Variants in DCAF4L1 observed in about 807,000 individuals in gnomAD.
DCAF4L1 encodes the protein DDB1 and CUL4 associated factor 4 like 1, also known as DDB1- and CUL4-associated factor 4-like protein 1.
Under a neutral mutation model 28.2 loss-of-function variants are expected in DCAF4L1, and 4 were observed. The observed-to-expected ratio is 0.14, with a 90% CI of 0.07 to 0.33. DCAF4L1 has a LOEUF of 0.33. Ranked by LOEUF, DCAF4L1 falls within the 10% of genes least tolerant of loss-of-function variation. The pLI is 1.00. For synonymous variants in DCAF4L1, 252 were observed against 212.1 expected (o/e 1.19, Z -1.63); for missense variants, 331 against 506.1 (o/e 0.65, Z 3.32).
rs570894315 is a variant in DCAF4L1, at chr4:41,983,141, G to A, written c.*158G>A. The A allele has an allele frequency of 9.2e-6, 6 of 651,840 alleles. No individual in the cohort carries two copies. Among genetic ancestry groups the A allele is most frequent in the South Asian group, 8.5e-5 (4 of 46,946 alleles). The allele number at this position is 651,840 out of a possible 1,614,324, so 40.4% of individuals were successfully genotyped here. ...GGTGTTAAGAGTTTTATGTGGAGAC[G>A]TTCTTGTAAAGTTATTTCAGTTAAA... On this transcript the variant is annotated 3_prime_UTR_variant, in exon 1 of 1. Transcript: ENST00000333141.
rs777067503 is a variant in DCAF4L1, at chr4:41,982,327, A to T, written c.535A>T (p.Ser179Cys). 1.4e-5 allele frequency: 23 copies of T among 1,614,060 alleles called. No homozygotes were observed. The highest frequency in any genetic ancestry group is 1.9e-5 in the Non-Finnish European group (23 of 1,180,038). Residue 179 changes from serine to cysteine, a missense_variant, in exon 1 of 1, where the codon AGT (serine) becomes TGT (cysteine). Coordinates refer to ENST00000333141, the MANE Select transcript of DCAF4L1 (RefSeq NM_001029955.4). This position sits in a 1 kb window ranked among gnomAD's most constrained non-coding sequence, Gnocchi z 4.4. ...TRVNQPGMLCSFQIPEAWSCA... is the reference protein window; with the variant it reads ...TRVNQPGMLCCFQIPEAWSCA... ...AGTTAACCAGCCTGGCATGCTCTGC[A>T]GTTTCCAGATCCCAGAGGCCTGGTC...
chr4:41,982,443 C>T lies in DCAF4L1; in HGVS notation c.651C>T (p.His217=), dbSNP rs1051502160. ...TGTTGACCAGCGTGGCGACGGGACA[C>T]CAGCAGTCATTTGATACCAGCAGTG... ...QVLLTSVATG[H]QQSFDTSSDV... The change falls in exon 1 of 1, where the codon CAC becomes CAT. Residue 217 remains histidine (H), a synonymous_variant. Transcript: ENST00000333141. This position sits in a 1 kb window ranked among gnomAD's most constrained non-coding sequence, Gnocchi z 4.4. The T allele has an allele frequency of 2.5e-6, 4 of 1,614,040 alleles. No homozygotes were observed. The highest frequency in any genetic ancestry group is 2.2e-5 in the East Asian group (1 of 44,876).
Position 41,982,196 on chromosome 4 carries a change from T to C in DCAF4L1, c.404T>C (p.Leu135Pro). Residue 135 changes from leucine to proline, a missense_variant, in exon 1 of 1, where the codon CTG becomes CCG. Leu to Pro is a moderately conservative substitution (Grantham distance 98). Transcript: ENST00000333141. The surrounding 1 kb of genome is among the most constrained non-coding windows in gnomAD (Gnocchi z 4.4). Reference sequence around the variant, plus strand: ...GTGAAGTCCCTGTGCTGGGCCTCGCTGAACCAGTTGGACTCTCACGTTCTG... The same window carrying C: ...GTGAAGTCCCTGTGCTGGGCCTCGCCGAACCAGTTGGACTCTCACGTTCTG... ...RKVKSLCWAS[L>P]NQLDSHVLLC... is the part of the protein sequence containing the mutation. The C allele has an allele frequency of 8.7e-6, 14 of 1,614,242 alleles. No individual in the cohort carries two copies. The highest frequency in any genetic ancestry group is 1.2e-5 in the Non-Finnish European group (14 of 1,180,040).
rs1714095232 is a variant in DCAF4L1, at chr4:41,984,718, TGG to T, written c.*1736_*1737del. ...CATGTCATGGCTGGTAATACAAATT[TGG>T]TGACTTCAATACATAGAATTAAAAT... On this transcript the variant is annotated 3_prime_UTR_variant, in exon 1 of 1. Transcript: ENST00000333141. 6.0e-6 allele frequency: 1 copy of T among 167,062 alleles called. No homozygotes were observed. Among genetic ancestry groups the T allele is most frequent in the African/African-American group, 2.4e-5 (1 of 41,446 alleles). 10.3% of individuals were successfully genotyped at this position (167,062 alleles called of 1,614,324 possible). A position where few individuals can be genotyped will look rare whatever the true frequency, so the allele number is the denominator to read the frequency against.
Position 41,983,102 on chromosome 4 carries a change from G to A in DCAF4L1, c.*119G>A. ...GTTGTATATAGATCGCATCCATCCG[G>A]CTGCCAGGGGTAAGGTGTTAAGAGT... On this transcript the variant is annotated 3_prime_UTR_variant, in exon 1 of 1. Coordinates refer to ENST00000333141, the MANE Select transcript of DCAF4L1 (RefSeq NM_001029955.4). 4 of 857,484 alleles carry A rather than the reference G, an allele frequency of 4.7e-6. No homozygotes were observed. Among genetic ancestry groups the A allele is most frequent in the Non-Finnish European group, 7.2e-6 (4 of 555,692 alleles). 53.1% of individuals were successfully genotyped at this position (857,484 alleles called of 1,614,324 possible). A position where few individuals can be genotyped will look rare whatever the true frequency, so the allele number is the denominator to read the frequency against.
chr4:41,983,092 C>A lies in DCAF4L1; in HGVS notation c.*109C>A. ...TAAGAGACGTGTTGTATATAGATCG[C>A]ATCCATCCGGCTGCCAGGGGTAAGG... On this transcript the variant is annotated 3_prime_UTR_variant, in exon 1 of 1. Transcript: ENST00000333141. 1 of 956,348 alleles carries A rather than the reference C, an allele frequency of 1.0e-6. No homozygotes were observed. Among genetic ancestry groups the A allele is most frequent in the Non-Finnish European group, 1.6e-6 (1 of 644,266 alleles). The allele number at this position is 956,348 out of a possible 1,614,324, so 59.2% of individuals were successfully genotyped here.
At position 41,986,436 on chromosome 4, in the gene DCAF4L1, T is replaced by C. The variant is rs1317069262; in HGVS notation, c.*3453T>C. On this transcript the variant is annotated 3_prime_UTR_variant, in exon 1 of 1. Coordinates refer to ENST00000333141, the MANE Select transcript of DCAF4L1 (RefSeq NM_001029955.4). ...CTTAATATATGTCTTGTGTGTATTA[T>C]ACTTCAATAAAAAGTTAAATTTTAA... 1.8e-5 allele frequency: 3 copies of C among 166,574 alleles called. No homozygotes were observed. The highest frequency in any genetic ancestry group is 4.8e-5 in the African/African-American group (2 of 41,462). The allele number at this position is 166,574 out of a possible 1,614,324, so 10.3% of individuals were successfully genotyped here.
Position 41,983,140 on chromosome 4 carries a change from C to T in DCAF4L1, c.*157C>T, listed in dbSNP as rs1348541705. 6 of 652,646 alleles carry T rather than the reference C, an allele frequency of 9.2e-6. No homozygotes were observed. Among genetic ancestry groups the T allele is most frequent in the Admixed American group, 3.1e-5 (1 of 32,292 alleles). The allele number at this position is 652,646 out of a possible 1,614,324, so 40.4% of individuals were successfully genotyped here. A position where few individuals can be genotyped will look rare whatever the true frequency, so the allele number is the denominator to read the frequency against. On this transcript the variant is annotated 3_prime_UTR_variant, in exon 1 of 1. Coordinates refer to ENST00000333141, the MANE Select transcript of DCAF4L1 (RefSeq NM_001029955.4). Reference sequence around the variant, plus strand: ...AGGTGTTAAGAGTTTTATGTGGAGACGTTCTTGTAAAGTTATTTCAGTTAA... The same window carrying T: ...AGGTGTTAAGAGTTTTATGTGGAGATGTTCTTGTAAAGTTATTTCAGTTAA...
At position 41,986,232 on chromosome 4, in the gene DCAF4L1, G is replaced by C. The variant is rs926971080; in HGVS notation, c.*3249G>C. 2 of 167,136 alleles carry C rather than the reference G, an allele frequency of 1.2e-5. No homozygotes were observed. The highest frequency in any genetic ancestry group is 4.8e-5 in the African/African-American group (2 of 41,436). The allele number at this position is 167,136 out of a possible 1,614,324, so 10.4% of individuals were successfully genotyped here. On this transcript the variant is annotated 3_prime_UTR_variant, in exon 1 of 1. Coordinates refer to ENST00000333141, the MANE Select transcript of DCAF4L1 (RefSeq NM_001029955.4). The stretch of plus-strand genomic sequence containing the variant: ...TTCAGACGTCCTTCATAGATAAGGA[G>C]TGAAACTCAGGGTTAGTCGCTCCTG...
At position 41,981,810 on chromosome 4, in the gene DCAF4L1, G is replaced by C; in HGVS notation, c.18G>C (p.Leu6=). MEAER[L]RLLEEEAKLK... is the part of the protein sequence containing the mutation. ...AGGAGGAAATGGAGGCTGAAAGGCT[G>C]CGACTCCTCGAGGAAGAGGCCAAGC... Residue 6 remains leucine, a synonymous_variant, in exon 1 of 1, where the codon CTG becomes CTC. Coordinates refer to ENST00000333141, the MANE Select transcript of DCAF4L1 (RefSeq NM_001029955.4). The C allele has an allele frequency of 6.2e-7, 1 of 1,614,064 alleles. No individual in the cohort carries two copies. Among genetic ancestry groups the C allele is most frequent in the South Asian group, 1.1e-5 (1 of 91,080 alleles).
Position 41,981,817 on chromosome 4 carries a change from C to A in DCAF4L1, c.25C>A (p.Leu9Ile), listed in dbSNP as rs1430362563. ...AATGGAGGCTGAAAGGCTGCGACTC[C>A]TCGAGGAAGAGGCCAAGCTGAAAAA... MEAERLRLLEEEAKLKKVA... is the reference protein window; with the variant it reads MEAERLRLIEEEAKLKKVA... The change falls in exon 1 of 1, where the codon CTC becomes ATC. Residue 9 changes from leucine to isoleucine, a missense_variant. Leu to Ile is a conservative substitution (Grantham distance 5). Coordinates refer to ENST00000333141, the MANE Select transcript of DCAF4L1 (RefSeq NM_001029955.4). 11 of 1,613,994 alleles carry A rather than the reference C, an allele frequency of 6.8e-6. No individual in the cohort carries two copies. The highest frequency in any genetic ancestry group is 1.7e-5 in the Admixed American group (1 of 60,002).
chr4:41,981,804 A>C lies in DCAF4L1; in HGVS notation c.12A>C (p.Glu4Asp). 1.2e-6 allele frequency: 2 copies of C among 1,613,906 alleles called. No homozygotes were observed. Among genetic ancestry groups the C allele is most frequent in the Non-Finnish European group, 1.7e-6 (2 of 1,179,798 alleles). The change falls in exon 1 of 1, where the codon GAA (glutamate) becomes GAC (aspartate). Residue 4 changes from glutamate (E) to aspartate (D), a missense_variant. Transcript: ENST00000333141. ...TTCCGCAGGAGGAAATGGAGGCTGA[A>C]AGGCTGCGACTCCTCGAGGAAGAGG... is the stretch of plus-strand genomic sequence containing the variant. MEAERLRLLEEEAK... is the reference protein window; with the variant it reads MEADRLRLLEEEAK...
rs1553913024 is a variant in DCAF4L1, at chr4:41,985,108, G to GTGTATA, written c.*2126_*2127insGTATAT. The GTGTATA allele has an allele frequency of 6.1e-6, 1 of 165,120 alleles. No individual in the cohort carries two copies. The highest frequency in any genetic ancestry group is 2.4e-5 in the African/African-American group (1 of 40,912). 10.2% of individuals were successfully genotyped at this position (165,120 alleles called of 1,614,324 possible). A position where few individuals can be genotyped will look rare whatever the true frequency, so the allele number is the denominator to read the frequency against. ...AAGAACTAGCTGCAGACATATATAT[G>GTGTATA]TATATATATATATGTCTGATACTGA... On this transcript the variant is annotated 3_prime_UTR_variant, in exon 1 of 1. Coordinates refer to ENST00000333141, the MANE Select transcript of DCAF4L1 (RefSeq NM_001029955.4).
chr4:41,985,108 G>GTGTA lies in DCAF4L1; in HGVS notation c.*2126_*2127insGTAT, dbSNP rs1553913024. 1.8e-3 allele frequency: 302 copies of GTGTA among 165,234 alleles called. 1 individual carries two copies. Among genetic ancestry groups the GTGTA allele is most frequent in the African/African-American group, 7.0e-3 (287 of 41,028 alleles). 10.2% of individuals were successfully genotyped at this position (165,234 alleles called of 1,614,324 possible). A position where few individuals can be genotyped will look rare whatever the true frequency, so the allele number is the denominator to read the frequency against. ...AAGAACTAGCTGCAGACATATATAT[G>GTGTA]TATATATATATATGTCTGATACTGA... On this transcript the variant is annotated 3_prime_UTR_variant, in exon 1 of 1. Transcript: ENST00000333141.
At position 41,983,056 on chromosome 4, in the gene DCAF4L1, T is replaced by G; in HGVS notation, c.*73T>G. 7.4e-7 allele frequency: 1 copy of G among 1,350,818 alleles called. No homozygotes were observed. The highest frequency in any genetic ancestry group is 1.0e-6 in the Non-Finnish European group (1 of 983,748). 83.7% of individuals were successfully genotyped at this position (1,350,818 alleles called of 1,614,324 possible). A position where few individuals can be genotyped will look rare whatever the true frequency, so the allele number is the denominator to read the frequency against. ...TAAGAGTATCTTATTACCGTTTCTG[T>G]GAGAGCATTTTAAGAGACGTGTTGT... On this transcript the variant is annotated 3_prime_UTR_variant, in exon 1 of 1. Transcript: ENST00000333141.
chr4:41,981,826 G>C lies in DCAF4L1; in HGVS notation c.34G>C (p.Glu12Gln), dbSNP rs1314752095. 1.2e-6 allele frequency: 2 copies of C among 1,614,202 alleles called. No individual in the cohort carries two copies. The highest frequency in any genetic ancestry group is 1.7e-6 in the Non-Finnish European group (2 of 1,180,048). ...TGAAAGGCTGCGACTCCTCGAGGAA[G>C]AGGCCAAGCTGAAAAAGGTAGCCAG... The part of the protein sequence containing the change: ...EAERLRLLEE[E>Q]AKLKKVARMG... The change falls in exon 1 of 1, where the codon GAG (glutamate) becomes CAG (glutamine). Residue 12 changes from glutamate to glutamine, a missense_variant. Coordinates refer to ENST00000333141, the MANE Select transcript of DCAF4L1 (RefSeq NM_001029955.4).
In DCAF4L1 at chr4:41,985,847, GA is replaced by G. The variant is rs1714135125; in HGVS notation, c.*2866del. The G allele has an allele frequency of 6.0e-6, 1 of 167,092 alleles. No individual in the cohort carries two copies. Among genetic ancestry groups the G allele is most frequent in the Non-Finnish European group, 1.5e-5 (1 of 68,124 alleles). The allele number at this position is 167,092 out of a possible 1,614,324, so 10.4% of individuals were successfully genotyped here. A position where few individuals can be genotyped will look rare whatever the true frequency, so the allele number is the denominator to read the frequency against. ...CAGGCAAAATGAATCTATGTTCTTA[GA>G]AGCAGGATTAATGGTATACTTGTAG... On this transcript the variant is annotated 3_prime_UTR_variant, in exon 1 of 1. Coordinates refer to ENST00000333141, the MANE Select transcript of DCAF4L1 (RefSeq NM_001029955.4).
At position 41,982,500 on chromosome 4, in the gene DCAF4L1, T is replaced by G. The variant is rs780720080; in HGVS notation, c.708T>G (p.Ala236=). The change falls in exon 1 of 1, where the codon GCT becomes GCG. Residue 236 remains alanine (A), a synonymous_variant. Coordinates refer to ENST00000333141, the MANE Select transcript of DCAF4L1 (RefSeq NM_001029955.4). The surrounding 1 kb of genome is among the most constrained non-coding windows in gnomAD (Gnocchi z 4.4). ...TGGCCCAGCAGTTTGCTAGTACGGC[T>G]CCTTTGCTGTTTAATGGCTGTCGCT... ...DVLAQQFAST[A]PLLFNGCRSG... is the part of the protein sequence containing the mutation. The G allele has an allele frequency of 6.2e-7, 1 of 1,614,208 alleles. No homozygotes were observed. The highest frequency in any genetic ancestry group is 1.1e-5 in the South Asian group (1 of 91,084).
In DCAF4L1 at chr4:41,983,628, G is replaced by A. The variant is rs1329942998; in HGVS notation, c.*645G>A. 1 of 167,076 alleles carries A rather than the reference G, an allele frequency of 6.0e-6. No homozygotes were observed. Among genetic ancestry groups the A allele is most frequent in the Non-Finnish European group, 1.5e-5 (1 of 68,134 alleles). 10.3% of individuals were successfully genotyped at this position (167,076 alleles called of 1,614,324 possible). A position where few individuals can be genotyped will look rare whatever the true frequency, so the allele number is the denominator to read the frequency against. On this transcript the variant is annotated 3_prime_UTR_variant, in exon 1 of 1. Coordinates refer to ENST00000333141, the MANE Select transcript of DCAF4L1 (RefSeq NM_001029955.4). ...CTAGAAGTTTTAAACAGTCCTTGAT[G>A]TGCTTTTGTTGAGGTACCTTTCAGA...
Sources: allele counts gnomAD v4.1 joint callset, GRCh38; gene constraint gnomAD v4.1.1; non-coding constraint Gnocchi (gnomAD v3.1); transcripts MANE v1.5; gene names NCBI Gene and HGNC (gene_info 2026-07-23, HGNC 2026-07-21).